SLC66A1: variants seen among roughly 807,000 people sequenced by gnomAD.
The protein encoded by SLC66A1 is solute carrier family 66 member 1, also known as lysosomal amino acid transporter 1 homolog.
In SLC66A1, 23 loss-of-function variants were observed where a neutral mutation model predicts 33.0. The observed-to-expected ratio is 0.70, with a 90% confidence interval of 0.50 to 0.99. The LOEUF is 0.99. SLC66A1 is among the 50% of genes least tolerant of loss of function. The pLI is 0.00. For missense variants in SLC66A1, 335 were observed against 383.6 expected, an observed-to-expected ratio of 0.87 and a Z score of 1.06; for synonymous variants, 164 against 175.5, an observed-to-expected ratio of 0.93 and a Z score of 0.52.
chr1:19,330,520 G>A (rs549282450), downstream of SLC66A1, among the ~76,000 whole-genome samples: 10 of 152,312 alleles, frequency 6.6e-5, no homozygotes, highest in South Asian at 8.3e-4. Context: ...AGGTAGAAAT[G>A]TCAGGAAATG....
intron 1 of SLC66A1, among the ~76,000 whole-genome samples, chr1:19,314,510 T>A (rs1045660656): frequency 6.6e-6 from 1 of 151,662 alleles, no homozygotes; most frequent in Non-Finnish European, 1.5e-5. Context: ...AGAGGGAGAG[T>A]CCCCAAGGTG....
At position 19,326,314 on chromosome 1, in the gene SLC66A1, C is replaced by T. The variant is rs1476085854; in HGVS notation, c.452C>T (p.Ala151Val). Reference sequence around the variant, plus strand: ...GCGTGCGCCACACCGCTGCTGAGTGCTGCTGGGCCCGTGGCTGCCCCTAGG... The same window carrying T: ...GCGTGCGCCACACCGCTGCTGAGTGTTGCTGGGCCCGTGGCTGCCCCTAGG... ...GMACATPLLS[A>V]AGPVAAPREA... Residue 151 changes from alanine to valine, a missense_variant, in exon 5 of 8, where the codon GCT becomes GTT. Transcript: ENST00000375153. The T allele has an allele frequency of 1.2e-6, 2 of 1,607,026 alleles. No homozygotes were observed.
chr1:19,313,354 T>G (rs552542518), intron 1 of SLC66A1, among the ~76,000 whole-genome samples: 25 of 152,290 alleles, frequency 1.6e-4, no homozygotes, highest in African/African-American at 5.8e-4. Flanking sequence ...TTCTTCACTC[T>G]GTCCTTCTCT....
intron 2 of SLC66A1, among the ~76,000 whole-genome samples, chr1:19,320,162 A>C (rs1380900332): frequency 6.6e-6 from 1 of 151,616 alleles, no homozygotes; most frequent in East Asian, 2.0e-4. Flanking sequence ...CAGCATTCCA[A>C]AGTGCTGGGA....
In SLC66A1 at chr1:19,317,630, C is replaced by G. The variant is rs1378840318; in HGVS notation, c.-48C>G. The G allele has an allele frequency of 1.9e-6, 3 of 1,601,292 alleles. No homozygotes were observed. Among genetic ancestry groups the G allele is most frequent in the Non-Finnish European group, 2.6e-6 (3 of 1,173,264 alleles). On this transcript the variant is annotated 5_prime_UTR_variant, in exon 2 of 8. Transcript: ENST00000375153. ...TTGCTGGCCTCAGAACACCAGCGCC[C>G]TCCCTCCGGTGCAGCCCTGCCTGGC...
At chr1:19,326,080 G>A (rs2093864499) in intron 4 of SLC66A1, among the ~76,000 whole-genome samples, 165 bp from the exon 5 acceptor site, 1 of 152,238 alleles carries the variant, frequency 6.6e-6, no homozygotes. Context: ...GAAGGGTACT[G>A]TTGTTGTACC....
At chr1:19,317,278 A>G (rs2093811047) in intron 1 of SLC66A1, among the ~76,000 whole-genome samples, 1 of 152,230 alleles carries the variant, frequency 6.6e-6, no homozygotes, top group Non-Finnish European at 1.5e-5. Flanking sequence ...CCCCATTTAC[A>G]GATGAGAGGG....
At chr1:19,321,352 T>C (rs2093836468) in intron 2 of SLC66A1, among the ~76,000 whole-genome samples, 1 of 148,090 alleles carries the variant, frequency 6.8e-6, no homozygotes, top group South Asian at 2.1e-4. Context: ...ATTGAAATTT[T>C]TTTTTTTGGT....
intron 2 of SLC66A1, among the ~76,000 whole-genome samples, 188 bp from the exon 3 acceptor site, chr1:19,324,445 G>A (rs922670925): frequency 1.3e-5 from 2 of 152,206 alleles, no homozygotes; most frequent in African/African-American, 2.4e-5. Context: ...GATTCCCCAG[G>A]GGACTCCTCC....
chr1:19,324,896 GC>G, intron 3 of SLC66A1, 134 bp downstream of exon 3: 1 of 1,240,374 alleles, frequency 8.1e-7, no homozygotes, highest in Non-Finnish European at 1.1e-6. Flanking sequence ...TTGTGGGAGG[GC>G]CCCATCCTTC....
chr1:19,315,623 C>T (rs1334099386), intron 1 of SLC66A1, among the ~76,000 whole-genome samples: 6 of 152,206 alleles, frequency 3.9e-5, no homozygotes, highest in Non-Finnish European at 5.9e-5. Context: ...ACAGCCCCCA[C>T]CTGGATGAGG....
At chr1:19,315,108 C>G (rs1219425846) in intron 1 of SLC66A1, among the ~76,000 whole-genome samples, 1 of 152,154 alleles carries the variant, frequency 6.6e-6, no homozygotes, top group Non-Finnish European at 1.5e-5. Flanking sequence ...GGTGTTTCAC[C>G]ATGTTGGCCA....
chr1:19,323,992 A>G (rs900984946), intron 2 of SLC66A1, among the ~76,000 whole-genome samples: 1 of 152,156 alleles, frequency 6.6e-6, no homozygotes, highest in Non-Finnish European at 1.5e-5. Flanking sequence ...TTGGCCTCGT[A>G]CCCACACCTG....
chr1:19,333,326 G>A (rs994396484), downstream of SLC66A1, among the ~76,000 whole-genome samples: 3 of 152,090 alleles, frequency 2.0e-5, no homozygotes, highest in Admixed American at 6.6e-5. This position sits in a 1 kb window ranked among gnomAD's most constrained non-coding sequence, Gnocchi z 4.2. Context: ...TCCCACTTGA[G>A]TGCCACCACG....
At chr1:19,316,138 C>A (rs1386525804) in intron 1 of SLC66A1, among the ~76,000 whole-genome samples, 1 of 152,182 alleles carries the variant, frequency 6.6e-6, no homozygotes, top group Admixed American at 6.5e-5. Context: ...CCCTGCCCAC[C>A]CCTGCGATCA....
At chr1:19,324,455 C>T (rs924193029) in intron 2 of SLC66A1, among the ~76,000 whole-genome samples, 178 bp from the exon 3 acceptor site, 9 of 152,228 alleles carry the variant, frequency 5.9e-5, no homozygotes, top group Non-Finnish European at 1.2e-4. Context: ...GGGACTCCTC[C>T]AAAGGGCCGA....
chr1:19,327,687 C>T (rs968594504), intron 7 of SLC66A1: 26 of 637,518 alleles, frequency 4.1e-5, no homozygotes, highest in African/African-American at 3.0e-4. Flanking sequence ...GAGGACACAA[C>T]GCTATCATCA....
chr1:19,317,786 G>A lies in SLC66A1; in HGVS notation c.109G>A (p.Ala37Thr), dbSNP rs1019698586. ...GECAQDGWDEASVGLGLISIL... is the reference protein window; with the variant it reads ...GECAQDGWDETSVGLGLISIL... Reference sequence around the variant, plus strand: ...ATGTGCCCAGGACGGCTGGGACGAGGCCAGCGTGGGCCTGGGCTTGATCTC... The same window carrying A: ...ATGTGCCCAGGACGGCTGGGACGAGACCAGCGTGGGCCTGGGCTTGATCTC... The change falls in exon 2 of 8, where the codon GCC becomes ACC. Residue 37 changes from alanine (A) to threonine (T), a missense_variant. Coordinates refer to ENST00000375153, the MANE Select transcript of SLC66A1 (RefSeq NM_001040125.2). 24 of 1,614,064 alleles carry A rather than the reference G, an allele frequency of 1.5e-5. No individual in the cohort carries two copies. Among genetic ancestry groups the A allele is most frequent in the Non-Finnish European group, 1.9e-5 (22 of 1,180,036 alleles).
chr1:19,315,800 G>A (rs185127420), intron 1 of SLC66A1, among the ~76,000 whole-genome samples: 10 of 152,304 alleles, frequency 6.6e-5, no homozygotes, highest in African/African-American at 2.4e-4. Context: ...GACCTGAGGC[G>A]GGTGGTGTGG....
Sources: gnomAD v4.1 joint callset for allele counts (sites outside exome capture counted in the v4.1 genomes callset) on GRCh38, gnomAD v4.1.1 for gene constraint, Gnocchi (gnomAD v3.1) non-coding constraint, MANE v1.5 for transcripts, NCBI Gene and HGNC (gene_info 2026-07-23, HGNC 2026-07-21) for gene names.